The following ELAVL1 variants were observed in gnomAD, a reference collection of about 807,000 sequenced individuals.
ELAVL1 encodes ELAV-like protein 1.
ELAVL1 carries 1 observed loss-of-function variant against 28.4 expected under a neutral mutation model. The ratio of observed to expected loss-of-function variants is 0.04; its 90% CI spans 0.01 to 0.17. The LOEUF is 0.17. Among genes scored for constraint, ELAVL1 ranks in the 10% least tolerant of loss-of-function variants. The pLI is 1.00. For missense variants in ELAVL1, 157 were observed against 447.2 expected (o/e 0.35, Z 5.85); for synonymous variants, 174 against 183.5 (o/e 0.95, Z 0.42).
At chr19:7,968,689 GA>G (rs1555710317) in intron 4 of ELAVL1, among the ~76,000 whole-genome samples, 1 of 152,248 alleles carries the variant, frequency 6.6e-6, no homozygotes, top group Non-Finnish European at 1.5e-5. Flanking sequence ...GAGACCTGAG[GA>G]CCGTCCTGCT....
rs963133609 is a variant in ELAVL1, at chr19:7,991,546, C to A, written c.172+98G>T. On this transcript the variant is annotated intron_variant, in intron 2 of 5. Transcript: ENST00000407627. ...GCCATCGTTTCAAGGCTGTAGTTAT[C>A]CTGCACTGAGGAATGCCACAGAGTC... The A allele has an allele frequency of 3.2e-6, 4 of 1,248,654 alleles. No homozygotes were observed. The South Asian group carries it at 4.4e-5, about 14-fold the overall frequency. 77.3% of individuals were successfully genotyped at this position (1,248,654 alleles called of 1,614,324 possible).
At position 7,961,665 on chromosome 19, in the gene ELAVL1, A is replaced by G. The variant is rs12985234; in HGVS notation, c.*1818T>C. On this transcript the variant is annotated 3_prime_UTR_variant, in exon 6 of 6. Coordinates refer to ENST00000407627, the MANE Select transcript of ELAVL1 (RefSeq NM_001419.3). ...CACCAGGCCGACTTTTATGAGACAC[A>G]GCCTGGGTACGGATGGCAACATCAT... 0.24 allele frequency: 36,334 copies of G among 152,116 alleles called. 4,653 individuals carry two copies. The highest frequency in any genetic ancestry group is 0.29 in the Non-Finnish European group (19,940 of 67,978). 9.4% of individuals were successfully genotyped at this position (152,116 alleles called of 1,614,324 possible). A position where few individuals can be genotyped will look rare whatever the true frequency, so the allele number is the denominator to read the frequency against.
rs538762995 is a variant in ELAVL1 at position 7,970,278 on chromosome 19, C to T, written c.431-2488G>A. On this transcript the variant is annotated intron_variant, in intron 4 of 5. Coordinates refer to ENST00000407627, the MANE Select transcript of ELAVL1 (RefSeq NM_001419.3). ...TCAAACGATACTCCTGCCTCAGCCTCCCCAGTAGCTGGGATTACAGGTGCC... is the reference window on the plus strand; with the variant it reads ...TCAAACGATACTCCTGCCTCAGCCTTCCCAGTAGCTGGGATTACAGGTGCC... Among the ~76,000 whole-genome samples the T allele has an allele frequency of 3.3e-5, 5 of 152,378 alleles. No homozygotes were observed. In the East Asian group the frequency reaches 9.6e-4, roughly 29 times the overall value.
intron 1 of ELAVL1, among the ~76,000 whole-genome samples, chr19:8,005,274 A>G (rs1193184193): frequency 2.6e-5 from 4 of 151,246 alleles, no homozygotes; most frequent in African/African-American, 9.7e-5. Flanking sequence ...CCGTCCCTCG[A>G]GGCGCCAGAG....
intron 4 of ELAVL1, among the ~76,000 whole-genome samples, chr19:7,970,068 G>A (rs1019476258): frequency 1.3e-5 from 2 of 152,130 alleles, no homozygotes; most frequent in Non-Finnish European, 2.9e-5. Flanking sequence ...CACCTCCCCG[G>A]TTCAAGTGAT....
rs917845309 is a variant in ELAVL1, at chr19:7,960,486, G to A, written c.*2997C>T. ...TCACAGAGCTGCGACTAGAGGCACA[G>A]CCAGCACAGAAAACTGCGGCTTGGC... On this transcript the variant is annotated 3_prime_UTR_variant, in exon 6 of 6. Coordinates refer to ENST00000407627, the MANE Select transcript of ELAVL1 (RefSeq NM_001419.3). 4 of 152,282 alleles carry A rather than the reference G, an allele frequency of 2.6e-5. No homozygotes were observed. Among genetic ancestry groups the A allele is most frequent in the African/African-American group, 9.6e-5 (4 of 41,464 alleles). The allele number at this position is 152,282 out of a possible 1,614,324, so 9.4% of individuals were successfully genotyped here. A position where few individuals can be genotyped will look rare whatever the true frequency, so the allele number is the denominator to read the frequency against.
chr19:7,981,782 T>C lies in ELAVL1; in HGVS notation c.173-596A>G, dbSNP rs927559894. Among the ~76,000 whole-genome samples, 2 of 152,134 alleles carry C rather than the reference T, an allele frequency of 1.3e-5. No individual in the cohort carries two copies. Among genetic ancestry groups the C allele is most frequent in the East Asian group, 3.8e-4 (2 of 5,196 alleles). ...CTTTCTGAAAGACCAGTCCCGTGGG[T>C]GCCGGCCGCTCTGTGGGGCCTGGGT... On this transcript the variant is annotated intron_variant, in intron 2 of 5. Transcript: ENST00000407627. This position sits in a 1 kb window ranked among gnomAD's most constrained non-coding sequence, Gnocchi z 4.2.
rs370407808 is a variant in ELAVL1 at position 7,967,610 on chromosome 19, G to A, written c.611C>T (p.Ala204Val). The change falls in exon 5 of 6, where the codon GCG becomes GTG. Residue 204 changes from alanine to valine, a missense_variant. Physicochemically the swap from Ala to Val is moderately conservative, Grantham distance 64. Coordinates refer to ENST00000407627, the MANE Select transcript of ELAVL1 (RefSeq NM_001419.3). Reference sequence around the variant, plus strand: ...GTGAACGGGGCCTCCGAACCGTCGCGCTGGCGAGTGGTACAGCTGCGAGAG... The same window carrying A: ...GTGAACGGGGCCTCCGAACCGTCGCACTGGCGAGTGGTACAGCTGCGAGAG... ...ALLSQLYHSP[A>V]RRFGGPVHHQ... is the part of the protein sequence containing the mutation. The A allele has an allele frequency of 2.0e-5, 33 of 1,614,070 alleles. No individual in the cohort carries two copies. Among genetic ancestry groups the A allele is most frequent in the Non-Finnish European group, 2.7e-5 (32 of 1,180,028 alleles).
intron 1 of ELAVL1, 103 bp from the exon 2 acceptor site, chr19:7,991,934 T>A: frequency 6.5e-6 from 5 of 767,706 alleles, no homozygotes; most frequent in South Asian, 3.2e-5. Flanking sequence ...CTTTCTTTCT[T>A]TTTTTTTTTT....
chr19:7,970,067 G>A (rs754946594), intron 4 of ELAVL1, among the ~76,000 whole-genome samples: 3 of 151,998 alleles, frequency 2.0e-5, no homozygotes, highest in African/African-American at 4.8e-5. Flanking sequence ...CCACCTCCCC[G>A]GTTCAAGTGA....
At chr19:7,988,652 G>A (rs752688673) in intron 2 of ELAVL1, among the ~76,000 whole-genome samples, 2 of 152,200 alleles carry the variant, frequency 1.3e-5, no homozygotes, top group African/African-American at 2.4e-5. Flanking sequence ...GGGGACATGC[G>A]GCAATGTCAG....
chr19:7,973,504 A>T, intron 4 of ELAVL1: 1 of 596,988 alleles, frequency 1.7e-6, no homozygotes, highest in South Asian at 2.4e-5. Flanking sequence ...TGCTGGGATT[A>T]CAGGCGTGAG....
At chr19:7,983,595 C>T (rs572853698) in intron 2 of ELAVL1, among the ~76,000 whole-genome samples, 24 of 152,260 alleles carry the variant, frequency 1.6e-4, no homozygotes, top group South Asian at 1.0e-3. Flanking sequence ...AAGTGCTCAG[C>T]GCCTTCTGCA....
chr19:7,977,721 ACAGAG>A (rs1431362557), intron 3 of ELAVL1, among the ~76,000 whole-genome samples: 5 of 152,252 alleles, frequency 3.3e-5, no homozygotes, highest in Non-Finnish European at 5.9e-5. Context: ...ACCAAAGAGG[ACAGAG>A]CGGACGGGGT....
chr19:7,996,153 G>A (rs1391887236), intron 1 of ELAVL1, among the ~76,000 whole-genome samples: 1 of 151,564 alleles, frequency 6.6e-6, no homozygotes, highest in African/African-American at 2.4e-5. Flanking sequence ...TAGAATTATA[G>A]GCGTAAGCCA....
At chr19:7,977,175 A>G (rs1320162201) in intron 3 of ELAVL1, among the ~76,000 whole-genome samples, 1 of 152,178 alleles carries the variant, frequency 6.6e-6, no homozygotes, top group Non-Finnish European at 1.5e-5. Context: ...TCTGCACTGC[A>G]GTCCCCGGCG....
chr19:7,995,946 T>TCCA (rs1007216178), intron 1 of ELAVL1, among the ~76,000 whole-genome samples: 13 of 151,470 alleles, frequency 8.6e-5, no homozygotes, highest in African/African-American at 3.2e-4. Flanking sequence ...AAAGTCTCAC[T>TCCA]CCACTGCCCA....
intron 4 of ELAVL1, among the ~76,000 whole-genome samples, chr19:7,970,900 A>G (rs1005675447): frequency 6.6e-6 from 1 of 152,166 alleles, no homozygotes; most frequent in African/African-American, 2.4e-5. Flanking sequence ...CGTCACAGGA[A>G]GGCAAACTCC....
chr19:7,987,745 C>T lies in ELAVL1; in HGVS notation c.172+3899G>A, dbSNP rs114022055. ...CACCGACTGGCTATGTCTAGGGCTACGGAGATTAACAAAGCTCCTCCCTCC... is the reference window on the plus strand; with the variant it reads ...CACCGACTGGCTATGTCTAGGGCTATGGAGATTAACAAAGCTCCTCCCTCC... On this transcript the variant is annotated intron_variant, in intron 2 of 5. Coordinates refer to ENST00000407627, the MANE Select transcript of ELAVL1 (RefSeq NM_001419.3). Among the ~76,000 whole-genome samples the T allele has an allele frequency of 2.4e-3, 373 of 152,280 alleles. 1 individual carries two copies. The highest frequency in any genetic ancestry group is 8.0e-3 in the African/African-American group (332 of 41,558).
Sources: gnomAD v4.1 joint callset for allele counts (sites outside exome capture counted in the v4.1 genomes callset) on GRCh38, gnomAD v4.1.1 for gene constraint, Gnocchi (gnomAD v3.1) non-coding constraint, MANE v1.5 for transcripts, NCBI Gene and HGNC (gene_info 2026-07-23, HGNC 2026-07-21) for gene names.